Variants in DCAF15 observed in about 807,000 individuals in gnomAD.
DCAF15 encodes the protein DDB1 and CUL4 associated factor 15.
A neutral mutation model predicts 68.0 loss-of-function variants in DCAF15; 24 were observed. That is an observed-to-expected ratio of 0.35 (90% CI 0.26 to 0.50). DCAF15 has a LOEUF of 0.50. Among genes scored for constraint, DCAF15 ranks in the 20% least tolerant of loss-of-function variants. DCAF15 has a pLI of 0.98. For missense variants in DCAF15, 627 were observed against 830.6 expected (o/e 0.75, Z 3.01); for synonymous variants, 376 against 341.6 (o/e 1.10, Z -1.11).
chr19:13,953,443 G>T, intron 1 of DCAF15: 1 of 270,868 alleles, frequency 3.7e-6, no homozygotes, highest in Non-Finnish European at 7.0e-6. Flanking sequence ...GACAGTCTCC[G>T]CCCTTAGCCT....
In DCAF15 at chr19:13,960,487, C is replaced by G. The variant is rs771033341; in HGVS notation, c.1654C>G (p.Arg552Gly). ...CAGCGGCAGTGTCTGGAGCTCCTAC[C>G]GCAAGAGCTGCGTGGACATGGTCAT... ...QTSGSVWSSY[R>G]KSCVDMVMKW... Residue 552 changes from arginine (R) to glycine (G), a missense_variant, in exon 12 of 13, where the codon CGC becomes GGC. Physicochemically the swap from Arg to Gly is moderately radical, Grantham distance 125. Coordinates refer to ENST00000254337, the MANE Select transcript of DCAF15 (RefSeq NM_138353.4). The G allele has an allele frequency of 1.2e-6, 2 of 1,611,626 alleles. No homozygotes were observed. Among genetic ancestry groups the G allele is most frequent in the South Asian group, 2.2e-5 (2 of 90,860 alleles).
rs768980458 is a variant in DCAF15 at position 13,959,245 on chromosome 19, C to T, written c.985C>T (p.Arg329Cys). The T allele has an allele frequency of 2.5e-6, 4 of 1,612,676 alleles. No individual in the cohort carries two copies. The highest frequency in any genetic ancestry group is 1.7e-5 in the Admixed American group (1 of 60,014). The change falls in exon 7 of 13, where the codon CGC (arginine) becomes TGC (cysteine). Residue 329 changes from arginine to cysteine, a missense_variant. Around this residue, in one of 3 missense-constraint regions of DCAF15, gnomAD observed 236 missense variants for 225.1 expected, o/e 1.05. Coordinates refer to ENST00000254337, the MANE Select transcript of DCAF15 (RefSeq NM_138353.4). The part of the protein sequence containing the change: ...KAKEFVADIF[R>C]RAKEAKGGVP... Reference sequence around the variant, plus strand: ...CAAGGAGTTTGTGGCTGACATCTTCCGCCGGGCCAAAGAGGCCAAGGGCGG... The same window carrying T: ...CAAGGAGTTTGTGGCTGACATCTTCTGCCGGGCCAAAGAGGCCAAGGGCGG...
In DCAF15 at chr19:13,956,192, C is replaced by T. The variant is rs116775054; in HGVS notation, c.543C>T (p.Tyr181=). The T allele has an allele frequency of 4.5e-5, 72 of 1,611,526 alleles. No homozygotes were observed. The highest frequency in any genetic ancestry group is 3.8e-4 in the East Asian group (17 of 44,846). The part of the protein sequence containing the change: ...MMSDENHRDI[Y]VSTVAVPPPG... Reference sequence around the variant, plus strand: ...GTGACGAGAACCACCGTGACATCTACGTCAGCACCGTGGCCGTGCCACCGC... The same window carrying T: ...GTGACGAGAACCACCGTGACATCTATGTCAGCACCGTGGCCGTGCCACCGC... The change falls in exon 5 of 13, where the codon TAC becomes TAT. Residue 181 remains tyrosine, a synonymous_variant. Coordinates refer to ENST00000254337, the MANE Select transcript of DCAF15 (RefSeq NM_138353.4).
chr19:13,958,865 G>A (rs1262128185), intron 6 of DCAF15, among the ~76,000 whole-genome samples, 180 bp from the exon 7 acceptor site: 2 of 152,174 alleles, frequency 1.3e-5, no homozygotes, highest in African/African-American at 2.4e-5. Flanking sequence ...CTGCACGCAT[G>A]AATGCGTGGT....
Position 13,961,102 on chromosome 19 carries a change from G to A in DCAF15, c.*107G>A, listed in dbSNP as rs911686224. The A allele has an allele frequency of 1.3e-5, 18 of 1,350,572 alleles. No individual in the cohort carries two copies. Among genetic ancestry groups the A allele is most frequent in the South Asian group, 3.6e-5 (3 of 83,568 alleles). 83.7% of individuals were successfully genotyped at this position (1,350,572 alleles called of 1,614,324 possible). A position where few individuals can be genotyped will look rare whatever the true frequency, so the allele number is the denominator to read the frequency against. On this transcript the variant is annotated 3_prime_UTR_variant, in exon 13 of 13. Coordinates refer to ENST00000254337, the MANE Select transcript of DCAF15 (RefSeq NM_138353.4). Reference sequence around the variant, plus strand: ...CCGGCTGGCCCACCGACTGATGACCGGCACTAGTGTTAGCCTGCGGAACGG... The same window carrying A: ...CCGGCTGGCCCACCGACTGATGACCAGCACTAGTGTTAGCCTGCGGAACGG...
In DCAF15 at chr19:13,961,091, G is replaced by T. The variant is rs1389196788; in HGVS notation, c.*96G>T. ...CCTCTTCCTGGCCGGCTGGCCCACCGACTGATGACCGGCACTAGTGTTAGC... is the reference window on the plus strand; with the variant it reads ...CCTCTTCCTGGCCGGCTGGCCCACCTACTGATGACCGGCACTAGTGTTAGC... On this transcript the variant is annotated 3_prime_UTR_variant, in exon 13 of 13. Coordinates refer to ENST00000254337, the MANE Select transcript of DCAF15 (RefSeq NM_138353.4). 2 of 1,444,058 alleles carry T rather than the reference G, an allele frequency of 1.4e-6. No homozygotes were observed. Among genetic ancestry groups the T allele is most frequent in the Non-Finnish European group, 1.9e-6 (2 of 1,042,600 alleles). 89.5% of individuals were successfully genotyped at this position (1,444,058 alleles called of 1,614,324 possible).
At chr19:13,955,425 A>G (rs1973319223) in intron 3 of DCAF15, among the ~76,000 whole-genome samples, 1 of 152,232 alleles carries the variant, frequency 6.6e-6, no homozygotes, top group Non-Finnish European at 1.5e-5. Context: ...CAAAAAAGAA[A>G]AAGAAATTAC....
At chr19:13,957,123 G>T (rs1199947364) in intron 6 of DCAF15, among the ~76,000 whole-genome samples, 1 of 152,172 alleles carries the variant, frequency 6.6e-6, no homozygotes, top group Non-Finnish European at 1.5e-5. Context: ...ACGGGGTAGC[G>T]CCCCTTTCTC....
At chr19:13,958,761 C>T (rs972902821) in intron 6 of DCAF15, among the ~76,000 whole-genome samples, 4 of 152,088 alleles carry the variant, frequency 2.6e-5, no homozygotes, top group South Asian at 2.1e-4. Context: ...AGTGTTGTCT[C>T]CCTCAGGGCA....
Position 13,960,950 on chromosome 19 carries a change from G to A in DCAF15, c.1758G>A (p.Leu586=), listed in dbSNP as rs149379888. Residue 586 remains leucine (L), a synonymous_variant, in exon 13 of 13, where the codon CTG becomes CTA. Coordinates refer to ENST00000254337, the MANE Select transcript of DCAF15 (RefSeq NM_138353.4). ...TNEALHKGCS[L]KVLADSERYT... is the part of the protein sequence containing the mutation. ...CACCTGTCCCTGTAGGGTGCTCCCT[G>A]AAGGTTCTGGCGGACAGCGAGCGAT... is the stretch of plus-strand genomic sequence containing the variant. 2,881 of 1,614,022 alleles carry A rather than the reference G, an allele frequency of 1.8e-3. 3 individuals are homozygous for A. The highest frequency in any genetic ancestry group is 2.3e-3 in the Non-Finnish European group (2,683 of 1,180,020).
chr19:13,960,711 C>T, intron 12 of DCAF15, 131 bp downstream of exon 12: 1 of 1,044,014 alleles, frequency 9.6e-7, no homozygotes, highest in Non-Finnish European at 1.4e-6. Flanking sequence ...CCAGGCCCAG[C>T]TCAGCAGCCC....
chr19:13,955,054 C>T (rs1973295997), intron 3 of DCAF15, among the ~76,000 whole-genome samples: 1 of 152,058 alleles, frequency 6.6e-6, no homozygotes, highest in Non-Finnish European at 1.5e-5. Context: ...TGCAGTGAGC[C>T]ATGATCACAC....
In DCAF15 at chr19:13,959,479, G is replaced by A. The variant is rs1568450519; in HGVS notation, c.1219G>A (p.Glu407Lys). The A allele has an allele frequency of 1.2e-6, 2 of 1,609,312 alleles. No individual in the cohort carries two copies. The highest frequency in any genetic ancestry group is 1.7e-6 in the Non-Finnish European group (2 of 1,177,518). ...ESGEGTEPED[E>K]LEDDKISLPF... ...CGGAGAGGGGACGGAGCCGGAGGAT[G>A]GTGAGCGGGGGGCAGGCATGTGACA... The change falls in exon 7 of 13, where the codon GAG becomes AAG. Residue 407 changes from glutamate (E) to lysine (K), a missense_variant and splice_region_variant. Glu to Lys is a moderately conservative substitution (Grantham distance 56). Transcript: ENST00000254337.
intron 1 of DCAF15, chr19:13,953,194 C>A: frequency 1.4e-6 from 2 of 1,468,038 alleles, no homozygotes; most frequent in South Asian, 1.3e-5. Context: ...GTGAGAGTTA[C>A]CGAAGCAGGC....
chr19:13,955,089 G>C (rs1042595611), intron 3 of DCAF15, among the ~76,000 whole-genome samples: 1 of 151,634 alleles, frequency 6.6e-6, no homozygotes. Context: ...CTGGGCAACA[G>C]AGTGAGACCC....
chr19:13,953,234 C>T (rs1388480840), intron 1 of DCAF15: 1 of 1,203,364 alleles, frequency 8.3e-7, no homozygotes, highest in Non-Finnish European at 1.1e-6. Flanking sequence ...TGGAAACTCC[C>T]AGAGCTGGGG....
At position 13,959,894 on chromosome 19, in the gene DCAF15, A is replaced by AGGTGGGCCCAGGGCAGGCAG. The variant is rs1555745918; in HGVS notation, c.1440+13_1440+14insAGGCAGGGTGGGCCCAGGGC. The stretch of plus-strand genomic sequence containing the variant: ...AGCGACTATGACATCGTCATTCTGG[A>AGGTGGGCCCAGGGCAGGCAG]GGTGGGCCCAGGGCGGGCAGGGTGG... On this transcript the variant is annotated frameshift_variant and splice_region_variant, in exon 9 of 13. Transcript: ENST00000254337. LOFTEE classifies it high-confidence loss of function. 7.5e-4 allele frequency: 1,129 copies of AGGTGGGCCCAGGGCAGGCAG among 1,500,316 alleles called. 10 individuals are homozygous for AGGTGGGCCCAGGGCAGGCAG. In the African/African-American group the frequency reaches 0.015, roughly 19 times the overall value. 92.9% of individuals were successfully genotyped at this position (1,500,316 alleles called of 1,614,324 possible).
At chr19:13,952,950 G>C in intron 1 of DCAF15, 1 of 919,846 alleles carries the variant, frequency 1.1e-6, no homozygotes, top group Non-Finnish European at 1.6e-6. Context: ...GGAGAATCAG[G>C]AGGAAGGGGG....
chr19:13,961,113 T>A lies in DCAF15; in HGVS notation c.*118T>A. ...ACCGACTGATGACCGGCACTAGTGT[T>A]AGCCTGCGGAACGGGGCTGGGCAGG... On this transcript the variant is annotated 3_prime_UTR_variant, in exon 13 of 13. Coordinates refer to ENST00000254337, the MANE Select transcript of DCAF15 (RefSeq NM_138353.4). 1 of 1,262,334 alleles carries A rather than the reference T, an allele frequency of 7.9e-7. No individual in the cohort carries two copies. The highest frequency in any genetic ancestry group is 1.1e-6 in the Non-Finnish European group (1 of 887,504). 78.2% of individuals were successfully genotyped at this position (1,262,334 alleles called of 1,614,324 possible).
Sources: allele counts gnomAD v4.1 joint callset (sites outside exome capture counted in the v4.1 genomes callset), GRCh38; gene constraint gnomAD v4.1.1; regional missense constraint gnomAD v4.1.1; transcripts MANE v1.5; gene names NCBI Gene and HGNC (gene_info 2026-07-23, HGNC 2026-07-21).